Variants in GATA3 observed in about 807,000 individuals in gnomAD.
The protein encoded by GATA3 is trans-acting T-cell-specific transcription factor GATA-3.
A neutral mutation model predicts 36.0 loss-of-function variants in GATA3; 6 were observed. That is an observed-to-expected ratio of 0.17 (90% CI 0.09 to 0.33). GATA3 has a LOEUF of 0.33. Ranked by LOEUF, GATA3 falls within the 10% of genes least tolerant of loss-of-function variation. GATA3 has a pLI of 1.00. For synonymous variants in GATA3, 326 were observed against 273.0 expected (o/e 1.19, Z -1.92); for missense variants, 514 against 610.1 (o/e 0.84, Z 1.66).
At chr10:8,058,158 C>G in intron 2 of GATA3, 147 bp from the exon 3 acceptor site, 1 of 801,638 alleles carries the variant, frequency 1.2e-6, no homozygotes, top group Non-Finnish European at 2.0e-6. Flanking sequence ...CTCCGGGGAC[C>G]GCCAGGATGA....
upstream of GATA3, among the ~76,000 whole-genome samples, chr10:8,049,886 G>A (rs1164217615): frequency 2.0e-5 from 3 of 152,168 alleles, no homozygotes; most frequent in South Asian, 2.1e-4. Flanking sequence ...GGAGGAAGGA[G>A]GCCAGTTTTC....
chr10:8,057,878 C>G (rs1337305087), intron 2 of GATA3, among the ~76,000 whole-genome samples: 1 of 152,132 alleles, frequency 6.6e-6, no homozygotes, highest in Non-Finnish European at 1.5e-5. Context: ...ATCAGGCTGG[C>G]TGGGATTAAG....
At chr10:8,050,204 C>T (rs936450638), upstream of GATA3, among the ~76,000 whole-genome samples, 1 of 152,248 alleles carries the variant, frequency 6.6e-6, no homozygotes, top group East Asian at 1.9e-4. Flanking sequence ...GCGGCGGGCG[C>T]AGGGAATCGA....
At chr10:8,052,431 T>G (rs992466006), upstream of GATA3, 4 of 152,244 alleles carry the variant, frequency 2.6e-5, no homozygotes, top group African/African-American at 9.6e-5. Context: ...GAAATAATTC[T>G]TAGCCTCAGA....
Position 8,055,234 on chromosome 10 carries a change from G to T in GATA3, c.-369-53G>T. ...GGCGGGCGGCGCGAGGGGAGGTTGT[G>T]CCACTCCAGCAACTCAGGGGCTCAT... On this transcript the variant is annotated intron_variant, in intron 1 of 5. Coordinates refer to ENST00000379328, the MANE Select transcript of GATA3 (RefSeq NM_001002295.2). The surrounding 1 kb of genome is among the most constrained non-coding windows in gnomAD (Gnocchi z 5.4). 3.4e-6 allele frequency: 1 copy of T among 296,176 alleles called. No homozygotes were observed. The highest frequency in any genetic ancestry group is 5.7e-5 in the East Asian group (1 of 17,544). 18.3% of individuals were successfully genotyped at this position (296,176 alleles called of 1,614,324 possible).
intron 4 of GATA3, among the ~76,000 whole-genome samples, chr10:8,065,393 G>C (rs1049039461): frequency 1.3e-5 from 2 of 151,516 alleles, no homozygotes; most frequent in Non-Finnish European, 2.9e-5. Flanking sequence ...GAATAGCTGG[G>C]AGTAGGGACA....
intron 2 of GATA3, among the ~76,000 whole-genome samples, chr10:8,058,068 C>T (rs947292033): frequency 2.6e-5 from 4 of 152,196 alleles, no homozygotes; most frequent in Admixed American, 6.5e-5. Context: ...CATTCTGCTA[C>T]ATTTGATGGG....
upstream of GATA3, chr10:8,051,026 C>G: frequency 1.9e-6 from 1 of 521,766 alleles, no homozygotes; most frequent in Non-Finnish European, 3.9e-6. Flanking sequence ...TCTCCGCGCC[C>G]TGGGTCTGTA....
intron 1 of GATA3, among the ~76,000 whole-genome samples, chr10:8,046,691 G>GTGTGTGTGTC (rs58533845): frequency 0.011 from 1,556 of 144,992 alleles, 10 homozygotes; most frequent in African/African-American, 0.014. Context: ...GTGTGTGTGT[G>GTGTGTGTGTC]TCAGGGGCTT....
upstream of GATA3, among the ~76,000 whole-genome samples, chr10:8,049,902 C>G (rs1404135047): frequency 2.0e-5 from 3 of 152,182 alleles, no homozygotes; most frequent in African/African-American, 4.8e-5. Flanking sequence ...TTTTCACGGC[C>G]CGGTCCTCCG....
chr10:8,056,342 C>T (rs2131484242), intron 2 of GATA3, among the ~76,000 whole-genome samples: 1 of 152,230 alleles, frequency 6.6e-6, no homozygotes, highest in East Asian at 1.9e-4. Context: ...CTGTTACCCG[C>T]TAGCTCTTTC....
intron 1 of GATA3, among the ~76,000 whole-genome samples, chr10:8,045,687 T>C (rs556521358): frequency 2.0e-5 from 3 of 152,334 alleles, no homozygotes; most frequent in South Asian, 2.1e-4. Flanking sequence ...TCTGGGTTTC[T>C]GTGGTGACCT....
Position 8,058,297 on chromosome 10 carries a change from C to G in GATA3, c.242-8C>G, listed in dbSNP as rs753350724. On this transcript the variant is annotated splice_polypyrimidine_tract_variant and splice_region_variant and intron_variant, in intron 2 of 5. Coordinates refer to ENST00000379328, the MANE Select transcript of GATA3 (RefSeq NM_001002295.2). Reference sequence around the variant, plus strand: ...TCTCTCTCCTGCCCTTTCCCCGTTGCCCCACAGGGAGCCAGGTGTGCCGCC... The same window carrying G: ...TCTCTCTCCTGCCCTTTCCCCGTTGGCCCACAGGGAGCCAGGTGTGCCGCC... The G allele has an allele frequency of 6.2e-7, 1 of 1,613,514 alleles. No individual in the cohort carries two copies. Among genetic ancestry groups the G allele is most frequent in the Middle Eastern group, 1.6e-4 (1 of 6,062 alleles).
chr10:8,065,962 T>TAAAA (rs66810069), intron 4 of GATA3, among the ~76,000 whole-genome samples: 10 of 91,058 alleles, frequency 1.1e-4, no homozygotes, highest in Non-Finnish European at 1.9e-4. Context: ...CTGGCCTTAG[T>TAAAA]AAAAAAAAAA....
At position 8,055,812 on chromosome 10, in the gene GATA3, A is replaced by T; in HGVS notation, c.157A>T (p.Ile53Phe). 6.3e-7 allele frequency: 1 copy of T among 1,592,686 alleles called. No homozygotes were observed. Residue 53 changes from isoleucine to phenylalanine, a missense_variant, in exon 2 of 6, where the codon ATC (isoleucine) becomes TTC (phenylalanine). Around this residue, in one of 3 missense-constraint regions of GATA3, gnomAD observed 381 missense variants for 354.3 expected, o/e 1.08. Coordinates refer to ENST00000379328, the MANE Select transcript of GATA3 (RefSeq NM_001002295.2). This position sits in a 1 kb window ranked among gnomAD's most constrained non-coding sequence, Gnocchi z 5.4. ...GGAGGAGGTGGATGTGCTTTTTAAC[A>T]TCGACGGTCAAGGCAACCACGTCCC... ...LPEEVDVLFN[I>F]DGQGNHVPPY...
At chr10:8,063,853 T>G in intron 3 of GATA3, 140 bp from the exon 4 acceptor site, 1 of 1,117,328 alleles carries the variant, frequency 8.9e-7, no homozygotes, top group Non-Finnish European at 1.3e-6. Context: ...TGGAAAGAGG[T>G]GGGGGTGGAC....
Position 8,074,336 on chromosome 10 carries a change from A to T in GATA3, c.*313A>T, listed in dbSNP as rs1051508645. Reference sequence around the variant, plus strand: ...ATATTGTAAGAAATACTGTACAATGACTTTATTGCATCTGGGTAGCTGTAA... The same window carrying T: ...ATATTGTAAGAAATACTGTACAATGTCTTTATTGCATCTGGGTAGCTGTAA... On this transcript the variant is annotated 3_prime_UTR_variant, in exon 6 of 6. Coordinates refer to ENST00000379328, the MANE Select transcript of GATA3 (RefSeq NM_001002295.2). 2.8e-6 allele frequency: 1 copy of T among 354,122 alleles called. No individual in the cohort carries two copies. Among genetic ancestry groups the T allele is most frequent in the African/African-American group, 2.0e-5 (1 of 49,002 alleles). 21.9% of individuals were successfully genotyped at this position (354,122 alleles called of 1,614,324 possible). A position where few individuals can be genotyped will look rare whatever the true frequency, so the allele number is the denominator to read the frequency against.
chr10:8,065,320 C>T (rs1438356819), intron 4 of GATA3, among the ~76,000 whole-genome samples: 16 of 138,902 alleles, frequency 1.2e-4, no homozygotes, highest in African/African-American at 1.9e-4. Context: ...TGCAGTGGCA[C>T]GATCTCGGCT....
chr10:8,063,363 A>G (rs1832781244), intron 3 of GATA3, among the ~76,000 whole-genome samples: 2 of 152,144 alleles, frequency 1.3e-5, no homozygotes, highest in South Asian at 4.1e-4. Flanking sequence ...CTGGGTCCTA[A>G]TCGCTTCCTT....
Sources: allele counts gnomAD v4.1 joint callset (sites outside exome capture counted in the v4.1 genomes callset), GRCh38; gene constraint gnomAD v4.1.1; regional missense constraint gnomAD v4.1.1; non-coding constraint Gnocchi (gnomAD v3.1); transcripts MANE v1.5; gene names NCBI Gene and HGNC (gene_info 2026-07-23, HGNC 2026-07-21).